IMMP2L: variants seen among roughly 807,000 people sequenced by gnomAD.
IMMP2L encodes inner mitochondrial membrane peptidase subunit 2.
In IMMP2L, 18 loss-of-function variants were observed where a neutral mutation model predicts 19.3. The observed-to-expected ratio is 0.93, with a 90% CI of 0.64 to 1.38. The LOEUF (loss-of-function observed/expected upper bound fraction) is 1.38. Ranked by LOEUF, IMMP2L falls within the 40% of genes most tolerant of loss-of-function variation. The pLI is 0.00. For missense variants in IMMP2L, 233 were observed against 218.2 expected, an observed-to-expected ratio of 1.07 and a Z score of -0.43; for synonymous variants, 76 against 73.0, an observed-to-expected ratio of 1.04 and a Z score of -0.21.
chr7:111,349,877 T>C (rs1474940874), intron 3 of IMMP2L, among the ~76,000 whole-genome samples: 1 of 152,096 alleles, frequency 6.6e-6, no homozygotes, highest in Non-Finnish European at 1.5e-5. Flanking sequence ...TCTTCTCTGA[T>C]GTAGAATAAG....
At chr7:111,468,674 T>C (rs192839050) in intron 3 of IMMP2L, among the ~76,000 whole-genome samples, 283 of 152,248 alleles carry the variant, frequency 1.9e-3, no homozygotes, top group African/African-American at 3.0e-3. Context: ...GCTAGCAATG[T>C]GGAAAATGTA....
chr7:111,001,022 A>G (rs1213290835), intron 3 of IMMP2L, among the ~76,000 whole-genome samples: 1 of 152,214 alleles, frequency 6.6e-6, no homozygotes, highest in Non-Finnish European at 1.5e-5. Flanking sequence ...TAGATGATCT[A>G]TGCAAACAAT....
In IMMP2L at chr7:110,706,242, A is replaced by C. The variant is rs548995105; in HGVS notation, c.409-42521T>G. Among the ~76,000 whole-genome samples, 108 of 152,038 alleles carry C rather than the reference A, an allele frequency of 7.1e-4. 1 individual carries two copies. The highest frequency in any genetic ancestry group is 1.4e-3 in the Non-Finnish European group (95 of 68,006). On this transcript the variant is annotated intron_variant, in intron 5 of 5. Coordinates refer to ENST00000405709, the MANE Select transcript of IMMP2L (RefSeq NM_032549.4). ...CTCAGCCTCCCAAGTAGCTGGGACTATGAGCATGTGCCACCATGCCCAGCT... is the reference window on the plus strand; with the variant it reads ...CTCAGCCTCCCAAGTAGCTGGGACTCTGAGCATGTGCCACCATGCCCAGCT...
intron 3 of IMMP2L, among the ~76,000 whole-genome samples, chr7:111,239,237 C>G (rs995335677): frequency 1.3e-5 from 2 of 151,834 alleles, no homozygotes; most frequent in Non-Finnish European, 2.9e-5. Context: ...TTTACTTTCC[C>G]TGAAATCACC....
chr7:111,062,112 G>C, intron 3 of IMMP2L, among the ~76,000 whole-genome samples: 1 of 152,046 alleles, frequency 6.6e-6, no homozygotes, highest in East Asian at 1.9e-4. Context: ...ATGTGTATTA[G>C]TCCATTTTCA....
At chr7:111,008,910 A>C (rs968768193) in intron 3 of IMMP2L, among the ~76,000 whole-genome samples, 1 of 152,124 alleles carries the variant, frequency 6.6e-6, no homozygotes, top group African/African-American at 2.4e-5. Context: ...AAAAGCAGGA[A>C]TATGAATGGA....
At chr7:111,110,831 G>A (rs1010777171) in intron 3 of IMMP2L, among the ~76,000 whole-genome samples, 1 of 152,088 alleles carries the variant, frequency 6.6e-6, no homozygotes, top group Non-Finnish European at 1.5e-5. Context: ...GTAAAGTTAG[G>A]TGAATGTCCC....
intron 3 of IMMP2L, among the ~76,000 whole-genome samples, chr7:111,104,133 G>T (rs1260217413): frequency 6.6e-6 from 1 of 151,634 alleles, no homozygotes; most frequent in Non-Finnish European, 1.5e-5. Context: ...TTTTTGAAAG[G>T]CAAATTTGCT....
At chr7:111,034,440 C>A (rs1338382074) in intron 3 of IMMP2L, among the ~76,000 whole-genome samples, 9 of 152,016 alleles carry the variant, frequency 5.9e-5, no homozygotes, top group Admixed American at 2.0e-4. Flanking sequence ...GAATGAGTTG[C>A]GTCTTAAGAG....
chr7:111,106,499 C>T (rs1798562168), intron 3 of IMMP2L, among the ~76,000 whole-genome samples: 1 of 151,742 alleles, frequency 6.6e-6, no homozygotes, highest in Non-Finnish European at 1.5e-5. Context: ...GATATGTCTT[C>T]TACCATCACC....
Position 110,758,122 on chromosome 7 carries a change from G to A in IMMP2L, c.409-94401C>T, listed in dbSNP as rs370068305. On this transcript the variant is annotated intron_variant, in intron 5 of 5. Transcript: ENST00000405709. This position sits in a 1 kb window ranked among gnomAD's most constrained non-coding sequence, Gnocchi z 4.6. Reference sequence around the variant, plus strand: ...GAGGAAGGAAGGATGGAGCTAGTATGTTAATGTAGCTGAAGGTCAAATAAG... The same window carrying A: ...GAGGAAGGAAGGATGGAGCTAGTATATTAATGTAGCTGAAGGTCAAATAAG... Among the ~76,000 whole-genome samples, 5 of 152,092 alleles carry A rather than the reference G, an allele frequency of 3.3e-5. No homozygotes were observed. The highest frequency in any genetic ancestry group is 1.2e-4 in the African/African-American group (5 of 41,434).
rs995623310 is a variant in IMMP2L at position 111,501,590 on chromosome 7, A to T, written c.136-14249T>A. Among the ~76,000 whole-genome samples the T allele has an allele frequency of 8.5e-4, 130 of 152,318 alleles. 1 individual carries two copies. Among genetic ancestry groups the T allele is most frequent in the Non-Finnish European group, 1.6e-3 (108 of 68,030 alleles). The stretch of plus-strand genomic sequence containing the variant: ...GCCAGAGAGAAAGGTCGGGTTACCC[A>T]CAAAGGGAAGCCCATCAGACAAACA... On this transcript the variant is annotated intron_variant, in intron 2 of 5. Transcript: ENST00000405709.
At chr7:111,095,448 C>T (rs1031448236) in intron 3 of IMMP2L, among the ~76,000 whole-genome samples, 1 of 151,288 alleles carries the variant, frequency 6.6e-6, no homozygotes, top group African/African-American at 2.4e-5. Context: ...CAGATATGTA[C>T]AAAAAAGAGA....
chr7:110,964,426 G>A (rs1031429400), intron 3 of IMMP2L, among the ~76,000 whole-genome samples: 1 of 151,994 alleles, frequency 6.6e-6, no homozygotes, highest in African/African-American at 2.4e-5. Flanking sequence ...AGAATTCTTT[G>A]AAACTACATT....
chr7:111,121,388 T>C (rs1800593391), intron 3 of IMMP2L, among the ~76,000 whole-genome samples: 1 of 152,218 alleles, frequency 6.6e-6, no homozygotes, highest in African/African-American at 2.4e-5. Context: ...ATTTTGGCTT[T>C]TGTTGCCATT....
At chr7:111,283,221 C>G (rs1820098238) in intron 3 of IMMP2L, among the ~76,000 whole-genome samples, 1 of 151,950 alleles carries the variant, frequency 6.6e-6, no homozygotes, top group Non-Finnish European at 1.5e-5. Flanking sequence ...ACCAATGGGT[C>G]AAAGAAGAAA....
intron 3 of IMMP2L, among the ~76,000 whole-genome samples, chr7:111,181,372 T>G (rs1411602528): frequency 6.6e-6 from 1 of 152,084 alleles, no homozygotes; most frequent in Non-Finnish European, 1.5e-5. Context: ...TGCTATTTTC[T>G]TATTTGTTTG....
At chr7:111,216,793 A>C (rs973305064) in intron 3 of IMMP2L, among the ~76,000 whole-genome samples, 1 of 152,100 alleles carries the variant, frequency 6.6e-6, no homozygotes, top group Non-Finnish European at 1.5e-5. Context: ...TAATCAAAAG[A>C]ATAACATTTA....
rs866357546 is a variant in IMMP2L at position 111,323,619 on chromosome 7, C to G, written c.239+163619G>C. Among the ~76,000 whole-genome samples, 14 of 152,054 alleles carry G rather than the reference C, an allele frequency of 9.2e-5. No individual in the cohort carries two copies. The East Asian group carries it at 1.9e-3, about 21-fold the overall frequency. ...GGATCTAGAACTAGAAATACCATTTCACCCAGCCATCCCATTACTGGGTAT... is the reference window on the plus strand; with the variant it reads ...GGATCTAGAACTAGAAATACCATTTGACCCAGCCATCCCATTACTGGGTAT... On this transcript the variant is annotated intron_variant, in intron 3 of 5. Coordinates refer to ENST00000405709, the MANE Select transcript of IMMP2L (RefSeq NM_032549.4).
Sources: gnomAD v4.1 joint callset for allele counts (sites outside exome capture counted in the v4.1 genomes callset) on GRCh38, gnomAD v4.1.1 for gene constraint, Gnocchi (gnomAD v3.1) non-coding constraint, MANE v1.5 for transcripts, NCBI Gene and HGNC (gene_info 2026-07-23, HGNC 2026-07-21) for gene names.